The following NRXN3 variants were observed in gnomAD, a reference collection of about 807,000 sequenced individuals.
NRXN3 encodes the protein neurexin III.
Under a neutral mutation model 137.6 loss-of-function variants are expected in NRXN3, and 32 were observed. The observed-to-expected ratio is 0.23, with a 90% CI of 0.18 to 0.31. NRXN3 has a LOEUF of 0.31. Among genes scored for constraint, NRXN3 ranks in the 10% least tolerant of loss-of-function variants. NRXN3 has a pLI of 1.00. For missense variants in NRXN3, 1,574 were observed against 2,062.5 expected (o/e 0.76, Z 4.59); for synonymous variants, 798 against 784.5 (o/e 1.02, Z -0.29).
chr14:78,475,797 T>A (rs2095367808), intron 4 of NRXN3, among the ~76,000 whole-genome samples: 1 of 152,188 alleles, frequency 6.6e-6, no homozygotes, highest in Non-Finnish European at 1.5e-5. Context: ...GCTTGTGCAT[T>A]GCTTAGAGAA....
intron 15 of NRXN3, among the ~76,000 whole-genome samples, chr14:79,444,050 T>A (rs1169226199): frequency 6.6e-6 from 1 of 152,178 alleles, no homozygotes; most frequent in Non-Finnish European, 1.5e-5. Context: ...CTCCTTGAGA[T>A]GAAGGGATGA....
intron 15 of NRXN3, among the ~76,000 whole-genome samples, chr14:79,358,791 C>T (rs1344744303): frequency 6.6e-6 from 1 of 152,048 alleles, no homozygotes; most frequent in African/African-American, 2.4e-5. Flanking sequence ...AACTGTTTGA[C>T]CGTCACATCC....
chr14:78,835,514 G>A (rs919543644), intron 10 of NRXN3, among the ~76,000 whole-genome samples: 1 of 152,122 alleles, frequency 6.6e-6, no homozygotes, highest in East Asian at 1.9e-4. Flanking sequence ...ACTATGCTCT[G>A]GGCACTTGGC....
chr14:78,587,720 A>C (rs1600898924), intron 4 of NRXN3, among the ~76,000 whole-genome samples: 1 of 152,288 alleles, frequency 6.6e-6, no homozygotes, highest in South Asian at 2.1e-4. Flanking sequence ...TTTCTTAAAA[A>C]TTTTGTAGGA....
intron 15 of NRXN3, among the ~76,000 whole-genome samples, chr14:79,179,641 G>A (rs12880228): frequency 0.6 from 91,423 of 151,990 alleles, 29,173 homozygotes; most frequent in South Asian, 0.72. Flanking sequence ...TTACAAATAA[G>A]GGCAGGACTG....
intron 15 of NRXN3, among the ~76,000 whole-genome samples, chr14:79,213,951 G>A (rs551350741): frequency 3.9e-5 from 6 of 152,296 alleles, no homozygotes; most frequent in South Asian, 2.1e-4. Flanking sequence ...TCATACAGAC[G>A]TGTTTTTATT....
At chr14:79,703,981 T>TTTTG (rs991627749) in intron 19 of NRXN3, among the ~76,000 whole-genome samples, 51 of 152,152 alleles carry the variant, frequency 3.4e-4, no homozygotes, top group African/African-American at 1.2e-3. Context: ...CCAGGAACAA[T>TTTTG]TTTGTTTATA....
intron 16 of NRXN3, among the ~76,000 whole-genome samples, chr14:79,601,122 C>A (rs895137134): frequency 7.1e-6 from 1 of 141,624 alleles, no homozygotes; most frequent in Non-Finnish European, 1.5e-5. Flanking sequence ...TGGCTCACTG[C>A]AACCTCCGAC....
At chr14:79,403,257 G>C (rs1317814307) in intron 15 of NRXN3, among the ~76,000 whole-genome samples, 1 of 152,168 alleles carries the variant, frequency 6.6e-6, no homozygotes, top group Non-Finnish European at 1.5e-5. Flanking sequence ...ACGGACATAT[G>C]CATGGGCCTC....
intron 19 of NRXN3, among the ~76,000 whole-genome samples, chr14:79,740,710 TTTTA>T (rs1390586409): frequency 1.3e-3 from 92 of 73,266 alleles, no homozygotes; most frequent in Non-Finnish European, 1.5e-3. Flanking sequence ...GCATTTAGTT[TTTTA>T]TATATATATA....
At chr14:79,529,611 G>A (rs574971927) in intron 16 of NRXN3, among the ~76,000 whole-genome samples, 2 of 152,314 alleles carry the variant, frequency 1.3e-5, no homozygotes, top group South Asian at 2.1e-4. Context: ...TTTTTCAAGT[G>A]TGTGAAACAC....
At chr14:78,504,173 C>T (rs1181271426) in intron 4 of NRXN3, among the ~76,000 whole-genome samples, 1 of 152,160 alleles carries the variant, frequency 6.6e-6, no homozygotes, top group Non-Finnish European at 1.5e-5. Flanking sequence ...GTGGAACACA[C>T]TTTGGGAAAC....
At chr14:79,034,640 G>T (rs2099613253) in intron 15 of NRXN3, among the ~76,000 whole-genome samples, 1 of 152,042 alleles carries the variant, frequency 6.6e-6, no homozygotes, top group Non-Finnish European at 1.5e-5. Flanking sequence ...TAAACATTTG[G>T]TAAGATAGGA....
chr14:79,758,977 T>A (rs1262162282), intron 19 of NRXN3, among the ~76,000 whole-genome samples: 3 of 152,216 alleles, frequency 2.0e-5, no homozygotes, highest in African/African-American at 7.2e-5. Context: ...TTGTTTGCCT[T>A]AATATCCTCT....
At chr14:79,451,516 G>A (rs2096172732) in intron 15 of NRXN3, among the ~76,000 whole-genome samples, 1 of 152,152 alleles carries the variant, frequency 6.6e-6, no homozygotes, top group Non-Finnish European at 1.5e-5. Context: ...TGGAAATTGG[G>A]TCATCACTGG....
intron 15 of NRXN3, among the ~76,000 whole-genome samples, chr14:79,124,143 C>A (rs925747125): frequency 2.0e-5 from 3 of 152,122 alleles, no homozygotes; most frequent in Admixed American, 1.3e-4. Context: ...ATTGCATCAG[C>A]GCTCAATATA....
At chr14:79,470,852 C>A (rs544549477) in intron 16 of NRXN3, among the ~76,000 whole-genome samples, 1 of 143,028 alleles carries the variant, frequency 7.0e-6, no homozygotes, top group African/African-American at 2.6e-5. Flanking sequence ...AATTAGCCAG[C>A]GGTGTATATG....
chr14:78,678,730 C>G (rs1213578899), intron 6 of NRXN3, among the ~76,000 whole-genome samples: 1 of 151,978 alleles, frequency 6.6e-6, no homozygotes, highest in Non-Finnish European at 1.5e-5. Context: ...AAAACATATG[C>G]CTAAAGTTCC....
rs747498362 is a variant in NRXN3 at position 78,645,319 on chromosome 14, T to C, written c.957T>C (p.Ile319=). The C allele has an allele frequency of 1.3e-6, 2 of 1,598,804 alleles. No homozygotes were observed. Among genetic ancestry groups the C allele is most frequent in the African/African-American group, 2.7e-5 (2 of 74,916 alleles). ...AGGATGGTGCGGTCTCCTTGGTCAT[T>C]AACCTGGGGTCCGGGGCCTTTGAGG... The part of the protein sequence containing the change: ...ALKDGAVSLV[I]NLGSGAFEAI... The change falls in exon 5 of 21, where the codon ATT becomes ATC. Residue 319 remains isoleucine, a synonymous_variant. Transcript: ENST00000335750.
Sources: allele counts gnomAD v4.1 joint callset (sites outside exome capture counted in the v4.1 genomes callset), GRCh38; gene constraint gnomAD v4.1.1; transcripts MANE v1.5; gene names NCBI Gene and HGNC (gene_info 2026-07-23, HGNC 2026-07-21).